Variants in TRIOBP observed in about 807,000 individuals in gnomAD.
TRIOBP encodes TRIO and F-actin-binding protein.
A neutral mutation model predicts 238.8 loss-of-function variants in TRIOBP; 169 were observed. That is an observed-to-expected ratio of 0.71 (90% CI 0.62 to 0.80). The LOEUF (loss-of-function observed/expected upper bound fraction) is 0.80. Ranked by LOEUF, TRIOBP falls within the 30% of genes least tolerant of loss-of-function variation. The pLI, the probability that TRIOBP is intolerant of heterozygous loss-of-function variation, is 0.00. For synonymous variants in TRIOBP, 1,150 were observed against 1,274.4 expected, an observed-to-expected ratio of 0.90 and a Z score of 2.08; for missense variants, 2,838 against 3,122.6, an observed-to-expected ratio of 0.91 and a Z score of 2.17.
At position 37,725,936 on chromosome 22, in the gene TRIOBP, G is replaced by A. The variant is rs765546979; in HGVS notation, c.3380G>A (p.Arg1127His). The A allele has an allele frequency of 6.8e-6, 11 of 1,612,834 alleles. No individual in the cohort carries two copies. Among genetic ancestry groups the A allele is most frequent in the Middle Eastern group, 1.6e-4 (1 of 6,080 alleles). ...RDAPRASSPP[R>H]QAPEPSLLFQ... ...GCACCCCGGGCCTCCTCCCCACCAC[G>A]CCAGGCCCCAGAGCCTTCCCTCTTA... The change falls in exon 7 of 24, where the codon CGC (arginine) becomes CAC (histidine). Residue 1127 changes from arginine (R) to histidine (H), a missense_variant. Physicochemically the swap from Arg to His is conservative, Grantham distance 29. Coordinates refer to ENST00000644935, the MANE Select transcript of TRIOBP (RefSeq NM_001039141.3).
chr22:37,772,638 A>T lies in TRIOBP; in HGVS notation c.6974A>T (p.Tyr2325Phe), dbSNP rs186161850. The T allele has an allele frequency of 1.5e-5, 24 of 1,614,046 alleles. No individual in the cohort carries two copies. The highest frequency in any genetic ancestry group is 6.7e-5 in the Admixed American group (4 of 60,014). Residue 2325 changes from tyrosine (Y) to phenylalanine (F), a missense_variant, in exon 23 of 24, where the codon TAT (tyrosine) becomes TTT (phenylalanine). This residue lies in a region of TRIOBP where 2,096 missense variants were observed against 2,137.4 expected (regional missense o/e 0.98). Coordinates refer to ENST00000644935, the MANE Select transcript of TRIOBP (RefSeq NM_001039141.3). ...ACCTCGGGAAAGTACCAGGACGTCT[A>T]TGTGGAGCTGAGCCACATCAAGACA... ...RFTSGKYQDV[Y>F]VELSHIKTRS...
At chr22:37,733,228 G>T in intron 7 of TRIOBP, 70 bp from the exon 8 acceptor site, 1 of 1,228,676 alleles carries the variant, frequency 8.1e-7, no homozygotes, top group Non-Finnish European at 1.2e-6. Context: ...CCTGTTGGAG[G>T]TGGGAGCAGA....
intron 3 of TRIOBP, among the ~76,000 whole-genome samples, chr22:37,705,100 T>C (rs1452792736): frequency 2.0e-5 from 3 of 148,434 alleles, no homozygotes; most frequent in Non-Finnish European, 3.0e-5. Context: ...ACAGGTCAGG[T>C]GCAGTGGTTC....
intron 6 of TRIOBP, among the ~76,000 whole-genome samples, chr22:37,717,937 C>CG (rs1214322575): frequency 1.3e-5 from 2 of 152,282 alleles, no homozygotes; most frequent in Non-Finnish European, 2.9e-5. Context: ...CCCACGGAGG[C>CG]GGGGGGAAGC....
At chr22:37,740,465 C>T (rs1010790595) in intron 10 of TRIOBP, among the ~76,000 whole-genome samples, 4 of 152,096 alleles carry the variant, frequency 2.6e-5, no homozygotes, top group African/African-American at 9.7e-5. Flanking sequence ...TGTGACTCCT[C>T]GGTTCCAGAT....
rs115959276 is a variant in TRIOBP at position 37,742,912 on chromosome 22, G to A, written c.5322+1880G>A. 5.7e-3 allele frequency among the ~76,000 whole-genome samples: 871 copies of A among 152,278 alleles called. 11 individuals are homozygous for A. Among genetic ancestry groups the A allele is most frequent in the African/African-American group, 0.019 (810 of 41,544 alleles). ...TACTGTCCATTTTACAGATGATGAA[G>A]TGAAGCTCAGAGAGGGAGGGTCACT... is the stretch of plus-strand genomic sequence containing the variant. On this transcript the variant is annotated intron_variant, in intron 11 of 23. Coordinates refer to ENST00000644935, the MANE Select transcript of TRIOBP (RefSeq NM_001039141.3).
At chr22:37,728,322 T>TA (rs1196638515) in intron 7 of TRIOBP, among the ~76,000 whole-genome samples, 8 of 150,698 alleles carry the variant, frequency 5.3e-5, no homozygotes, top group Non-Finnish European at 1.0e-4. Flanking sequence ...TAGTCCCAGC[T>TA]ACTCAGGAGG....
Position 37,772,596 on chromosome 22 carries a change from C to G in TRIOBP, c.6937-5C>G. 2 of 1,614,062 alleles carry G rather than the reference C, an allele frequency of 1.2e-6. No homozygotes were observed. The highest frequency in any genetic ancestry group is 8.5e-7 in the Non-Finnish European group (1 of 1,180,028). On this transcript the variant is annotated splice_region_variant and splice_polypyrimidine_tract_variant and intron_variant, in intron 22 of 23. Transcript: ENST00000644935. ...ATGCCCTCATACCTGCCTCCTGCCC[C>G]CCAGGACAAGCGCTTCACCTCGGGA...
intron 12 of TRIOBP, among the ~76,000 whole-genome samples, 174 bp downstream of exon 12, chr22:37,752,002 A>G (rs1925635282): frequency 6.6e-6 from 1 of 151,888 alleles, no homozygotes; most frequent in Non-Finnish European, 1.5e-5. Flanking sequence ...GCAGTGTGTA[A>G]AAGGGATCAC....
At chr22:37,766,740 C>T (rs912717084) in intron 18 of TRIOBP, among the ~76,000 whole-genome samples, 6 of 152,080 alleles carry the variant, frequency 3.9e-5, no homozygotes, top group African/African-American at 1.4e-4. Context: ...GCGGGCAGAT[C>T]ACCTGAGGTC....
intron 17 of TRIOBP, among the ~76,000 whole-genome samples, chr22:37,762,010 G>A (rs1926271362): frequency 6.6e-6 from 1 of 152,100 alleles, no homozygotes; most frequent in African/African-American, 2.4e-5. Context: ...CTGGGTGGGT[G>A]GGGCTGGGAC....
rs1466780121 is a variant in TRIOBP, at chr22:37,758,034, C to T, written c.6109C>T (p.Pro2037Ser). Residue 2037 changes from proline (P) to serine (S), a missense_variant, in exon 16 of 24, where the codon CCC becomes TCC. Transcript: ENST00000644935. ...EKKWQELEKL[P>S]LRENKRVPLT... ...GAAGTGGCAGGAGCTGGAGAAGCTGCCCCTGCGGGAGAATAAGCGGGTGCC... is the reference window on the plus strand; with the variant it reads ...GAAGTGGCAGGAGCTGGAGAAGCTGTCCCTGCGGGAGAATAAGCGGGTGCC... The T allele has an allele frequency of 2.5e-6, 4 of 1,611,418 alleles. No individual in the cohort carries two copies. Among genetic ancestry groups the T allele is most frequent in the Non-Finnish European group, 3.4e-6 (4 of 1,179,442 alleles).
intron 11 of TRIOBP, among the ~76,000 whole-genome samples, chr22:37,745,959 T>A (rs1327695180): frequency 6.6e-6 from 1 of 151,122 alleles, no homozygotes; most frequent in Admixed American, 6.6e-5. Context: ...CCTGGGCCCT[T>A]CCTTCCTCCC....
In TRIOBP at chr22:37,776,108, C is replaced by G. The variant is rs1927018962; in HGVS notation, c.*2328C>G. 1 of 152,382 alleles carries G rather than the reference C, an allele frequency of 6.6e-6. No individual in the cohort carries two copies. The highest frequency in any genetic ancestry group is 6.5e-5 in the Admixed American group (1 of 15,286). 9.4% of individuals were successfully genotyped at this position (152,382 alleles called of 1,614,324 possible). ...AACCTAACTCAGGGCTCCCCCGTCT[C>G]ACACCTGGGTTGCAGGAACATCCTC... On this transcript the variant is annotated 3_prime_UTR_variant, in exon 24 of 24. Transcript: ENST00000644935.
At chr22:37,751,416 C>G (rs943938483) in intron 11 of TRIOBP, 1 of 385,860 alleles carries the variant, frequency 2.6e-6, no homozygotes, top group African/African-American at 2.1e-5. Context: ...GGACTGCCCT[C>G]TGAGCTCTCA....
intron 8 of TRIOBP, 44 bp from the exon 9 acceptor site, chr22:37,734,355 T>TC (rs1373451805): frequency 1.3e-6 from 2 of 1,562,788 alleles, no homozygotes; most frequent in South Asian, 2.3e-5. Context: ...GGCAGCCAGG[T>TC]CCCCAGAGAG....
At chr22:37,745,393 A>G (rs913701709) in intron 11 of TRIOBP, among the ~76,000 whole-genome samples, 2 of 151,930 alleles carry the variant, frequency 1.3e-5, no homozygotes, top group Non-Finnish European at 2.9e-5. Context: ...TGCTTAAGGT[A>G]ACACTAGGCT....
In TRIOBP at chr22:37,740,097, G is replaced by A. The variant is rs151313180; in HGVS notation, c.5185-798G>A. ...GCATGCCTGTGGTCAGGACTGTGAT[G>A]GGGAATGTGGTAGCAGGGTCGGGGG... is the stretch of plus-strand genomic sequence containing the variant. On this transcript the variant is annotated intron_variant, in intron 10 of 23. Transcript: ENST00000644935. 2.9e-3 allele frequency among the ~76,000 whole-genome samples: 441 copies of A among 152,306 alleles called. 3 individuals are homozygous for A. Among genetic ancestry groups the A allele is most frequent in the African/African-American group, 9.9e-3 (413 of 41,562 alleles).
At chr22:37,713,584 G>A (rs1923368431) in intron 5 of TRIOBP, among the ~76,000 whole-genome samples, 173 bp downstream of exon 5, 1 of 152,220 alleles carries the variant, frequency 6.6e-6, no homozygotes, top group Non-Finnish European at 1.5e-5. Context: ...CTGGAGAGTG[G>A]GGATTTCTGC....
Sources: allele counts gnomAD v4.1 joint callset (sites outside exome capture counted in the v4.1 genomes callset), GRCh38; gene constraint gnomAD v4.1.1; regional missense constraint gnomAD v4.1.1; transcripts MANE v1.5; gene names NCBI Gene and HGNC (gene_info 2026-07-23, HGNC 2026-07-21).